Variants in FER observed in about 807,000 individuals in gnomAD.
FER encodes FER tyrosine kinase, also known as tyrosine-protein kinase Fer.
In FER, 63 loss-of-function variants were observed where a neutral mutation model predicts 111.0. The ratio of observed to expected loss-of-function variants is 0.57; its 90% CI spans 0.46 to 0.70. The LOEUF (loss-of-function observed/expected upper bound fraction) is 0.70. FER is among the 30% of genes least tolerant of loss of function. The pLI is 0.00. For synonymous variants in FER, 327 were observed against 313.9 expected, an observed-to-expected ratio of 1.04 and a Z score of -0.44; for missense variants, 914 against 954.0, an observed-to-expected ratio of 0.96 and a Z score of 0.55.
chr5:109,098,001 A>G (rs1446962682), intron 16 of FER, among the ~76,000 whole-genome samples: 2 of 151,842 alleles, frequency 1.3e-5, no homozygotes, highest in African/African-American at 2.4e-5. Context: ...TTTAAAATTT[A>G]CTTTCCTAGA....
chr5:108,931,245 G>A (rs2149583644), intron 10 of FER, among the ~76,000 whole-genome samples: 1 of 152,118 alleles, frequency 6.6e-6, no homozygotes, highest in East Asian at 1.9e-4. Flanking sequence ...ACTTCAAATG[G>A]TATATTGTGA....
rs1020142410 is a variant in FER at position 109,186,196 on chromosome 5, C to T, written c.2204-4C>T. 6.2e-7 allele frequency: 1 copy of T among 1,614,082 alleles called. No homozygotes were observed. Among genetic ancestry groups the T allele is most frequent in the Non-Finnish European group, 8.5e-7 (1 of 1,179,950 alleles). ...TGTGGTTATGGTTGTTGTTCCTCTTCCAGGGAGATACAGTTCAGAGAGTGA... is the reference window on the plus strand; with the variant it reads ...TGTGGTTATGGTTGTTGTTCCTCTTTCAGGGAGATACAGTTCAGAGAGTGA... On this transcript the variant is annotated splice_polypyrimidine_tract_variant and splice_region_variant and intron_variant, in intron 18 of 19. Coordinates refer to ENST00000281092, the MANE Select transcript of FER (RefSeq NM_005246.4).
At chr5:108,890,320 A>T (rs966514078) in intron 9 of FER, among the ~76,000 whole-genome samples, 2 of 152,144 alleles carry the variant, frequency 1.3e-5, no homozygotes, top group African/African-American at 4.8e-5. Flanking sequence ...CTGTAATAAA[A>T]TACTGCACAG....
rs117240098 is a variant in FER, at chr5:108,886,204, G to A, written c.1046+2686G>A. Among the ~76,000 whole-genome samples the A allele has an allele frequency of 1.9e-3, 295 of 151,682 alleles. 5 individuals are homozygous for A. In the East Asian group the frequency reaches 0.05, roughly 26 times the overall value. ...TATGAGATTATTTGAATTTTTGCATGTTTTCTTGACAAATCTTTGCCTCTC... is the reference window on the plus strand; with the variant it reads ...TATGAGATTATTTGAATTTTTGCATATTTTCTTGACAAATCTTTGCCTCTC... On this transcript the variant is annotated intron_variant, in intron 9 of 19. Coordinates refer to ENST00000281092, the MANE Select transcript of FER (RefSeq NM_005246.4).
chr5:109,053,928 T>C (rs1371651905), intron 16 of FER, among the ~76,000 whole-genome samples: 1 of 152,076 alleles, frequency 6.6e-6, no homozygotes, highest in Non-Finnish European at 1.5e-5. Flanking sequence ...CCTGACCTCG[T>C]GATCCGCCCG....
chr5:109,134,152 A>G (rs1161188487), intron 17 of FER, among the ~76,000 whole-genome samples: 2 of 152,146 alleles, frequency 1.3e-5, no homozygotes, highest in African/African-American at 4.8e-5. Flanking sequence ...GAAGCATGAA[A>G]AAGTAAATGA....
chr5:108,883,051 A>G (rs1225852165), intron 8 of FER, among the ~76,000 whole-genome samples: 1 of 151,894 alleles, frequency 6.6e-6, no homozygotes, highest in Non-Finnish European at 1.5e-5. Context: ...ACTACTTACC[A>G]TTTACTCAAT....
chr5:109,109,818 A>G (rs763701231), intron 17 of FER, among the ~76,000 whole-genome samples: 34 of 152,300 alleles, frequency 2.2e-4, no homozygotes, highest in Admixed American at 1.1e-3. Context: ...AGAGTTTCTA[A>G]TAGTGACACT....
chr5:108,938,026 TCACA>T (rs201092702), intron 10 of FER, among the ~76,000 whole-genome samples: 30,675 of 130,278 alleles, frequency 0.24, 4,212 homozygotes, highest in East Asian at 0.68. Context: ...TATCTCTCTC[TCACA>T]CACACACACA....
At chr5:108,986,841 C>T (rs997613209) in intron 13 of FER, among the ~76,000 whole-genome samples, 2 of 152,098 alleles carry the variant, frequency 1.3e-5, no homozygotes, top group African/African-American at 2.4e-5. Flanking sequence ...GTTTTGGTGA[C>T]TGTGGCTTTA....
intron 10 of FER, among the ~76,000 whole-genome samples, chr5:108,916,490 A>G (rs972185223): frequency 6.6e-6 from 1 of 152,162 alleles, no homozygotes; most frequent in African/African-American, 2.4e-5. Context: ...AATTAATTGT[A>G]GCATTGGATC....
chr5:108,759,032 T>C (rs1213487885), intron 1 of FER, among the ~76,000 whole-genome samples: 1 of 152,238 alleles, frequency 6.6e-6, no homozygotes, highest in East Asian at 1.9e-4. Flanking sequence ...CATCTAGCTT[T>C]AAGACTAGGA....
At chr5:108,955,072 A>G (rs1231885703) in intron 12 of FER, 140 bp downstream of exon 12, 5 of 565,660 alleles carry the variant, frequency 8.8e-6, no homozygotes, top group Non-Finnish European at 1.5e-5. Flanking sequence ...TTTCTTAAAT[A>G]CAGTGCTTCA....
At chr5:108,764,581 G>T (rs1351840698) in intron 1 of FER, among the ~76,000 whole-genome samples, 1 of 151,892 alleles carries the variant, frequency 6.6e-6, no homozygotes, top group Non-Finnish European at 1.5e-5. Flanking sequence ...ATTTTTAGTA[G>T]AGATGGGGTT....
At position 109,191,545 on chromosome 5, in the gene FER, GAGAC is replaced by G. The variant is rs1469472553; in HGVS notation, c.*3977_*3980del. On this transcript the variant is annotated 3_prime_UTR_variant, in exon 20 of 20. Coordinates refer to ENST00000281092, the MANE Select transcript of FER (RefSeq NM_005246.4). Reference sequence around the variant, plus strand: ...AGAACAGTGCAAAATAAGCAGCAGAGAGACAGACAGTTGGAAAAGACATGTTTTC... The same window carrying G: ...AGAACAGTGCAAAATAAGCAGCAGAGAGACAGTTGGAAAAGACATGTTTTC... The G allele has an allele frequency of 3.3e-5, 5 of 152,150 alleles. No individual in the cohort carries two copies. Among genetic ancestry groups the G allele is most frequent in the Non-Finnish European group, 7.4e-5 (5 of 68,008 alleles). 9.4% of individuals were successfully genotyped at this position (152,150 alleles called of 1,614,324 possible).
rs868089377 is a variant in FER, at chr5:109,187,791, T to C, written c.*216T>C. 4.3e-5 allele frequency: 24 copies of C among 564,220 alleles called. No homozygotes were observed. The South Asian group carries it at 4.7e-4, about 11-fold the overall frequency. The allele number at this position is 564,220 out of a possible 1,614,324, so 35.0% of individuals were successfully genotyped here. A position where few individuals can be genotyped will look rare whatever the true frequency, so the allele number is the denominator to read the frequency against. ...CAGTCCTACCAAGGGCTTTCTTAGC[T>C]AACCATAGCAATCCTACCATTTCAG... On this transcript the variant is annotated 3_prime_UTR_variant, in exon 20 of 20. Transcript: ENST00000281092.
chr5:108,853,240 A>G (rs547071966), intron 5 of FER, among the ~76,000 whole-genome samples: 4 of 152,306 alleles, frequency 2.6e-5, no homozygotes, highest in South Asian at 2.1e-4. Context: ...AATAAGAACT[A>G]TATCAATTTA....
intron 13 of FER, among the ~76,000 whole-genome samples, chr5:109,028,868 C>G (rs1050236674): frequency 6.6e-6 from 1 of 152,114 alleles, no homozygotes; most frequent in Non-Finnish European, 1.5e-5. Context: ...GTTTTGGAGT[C>G]CAAAGTTCTT....
chr5:108,779,602 G>A (rs1753834392), intron 2 of FER, among the ~76,000 whole-genome samples: 1 of 152,106 alleles, frequency 6.6e-6, no homozygotes, highest in East Asian at 1.9e-4. Context: ...TTCATTGCTG[G>A]TATGTAGGAA....
Sources: allele counts gnomAD v4.1 joint callset (sites outside exome capture counted in the v4.1 genomes callset), GRCh38; gene constraint gnomAD v4.1.1; transcripts MANE v1.5; gene names NCBI Gene and HGNC (gene_info 2026-07-23, HGNC 2026-07-21).